The following FHIP1A variants were observed in gnomAD, a reference collection of about 807,000 sequenced individuals.
The protein encoded by FHIP1A is FHF complex subunit HOOK interacting protein 1A.
FHIP1A carries 61 observed loss-of-function variants against 88.6 expected under a neutral mutation model. That is an observed-to-expected ratio of 0.69 (90% CI 0.56 to 0.85). The LOEUF is 0.85. FHIP1A is among the 40% of genes least tolerant of loss of function. FHIP1A has a pLI of 0.00. For missense variants in FHIP1A, 1,154 were observed against 1,273.5 expected (o/e 0.91, Z 1.43); for synonymous variants, 478 against 496.0 (o/e 0.96, Z 0.48).
chr4:151,483,243 G>A (rs907327828), intron 3 of FHIP1A, among the ~76,000 whole-genome samples: 1 of 151,644 alleles, frequency 6.6e-6, no homozygotes, highest in Non-Finnish European at 1.5e-5. Flanking sequence ...ATGTTAATCA[G>A]AAACTTCCTT....
At chr4:151,607,178 G>T (rs1320631042) in intron 7 of FHIP1A, among the ~76,000 whole-genome samples, 1 of 152,174 alleles carries the variant, frequency 6.6e-6, no homozygotes. Context: ...AGGAGTGGTG[G>T]AGCCCAAGCA....
chr4:151,523,101 G>A (rs1435728864), intron 3 of FHIP1A, among the ~76,000 whole-genome samples: 1 of 152,186 alleles, frequency 6.6e-6, no homozygotes, highest in Non-Finnish European at 1.5e-5. Flanking sequence ...AATACATTTG[G>A]TTAGGGGGGC....
At chr4:151,528,240 G>C (rs901097325) in intron 3 of FHIP1A, among the ~76,000 whole-genome samples, 1 of 152,196 alleles carries the variant, frequency 6.6e-6, no homozygotes, top group African/African-American at 2.4e-5. Flanking sequence ...TGGCCTGTTA[G>C]AGTACCCCTG....
At position 151,581,281 on chromosome 4, in the gene FHIP1A, G is replaced by A. The variant is rs902372811; in HGVS notation, c.732+3205G>A. ...AATATATGCTAAGTTCAAGACTGTG[G>A]CTTTTTGGGGGTGAAGGAAGGGAAG... On this transcript the variant is annotated intron_variant, in intron 5 of 13. Transcript: ENST00000435205. Among the ~76,000 whole-genome samples, 6 of 152,304 alleles carry A rather than the reference G, an allele frequency of 3.9e-5. No individual in the cohort carries two copies. The South Asian group carries it at 8.3e-4, about 21-fold the overall frequency.
intron 2 of FHIP1A, among the ~76,000 whole-genome samples, chr4:151,477,038 A>G (rs138918190): frequency 1.3e-5 from 2 of 152,338 alleles, no homozygotes; most frequent in East Asian, 1.9e-4. Context: ...GAAGGTGCCA[A>G]TTCTCTGTGA....
chr4:151,588,383 T>G (rs1436744163), intron 6 of FHIP1A, among the ~76,000 whole-genome samples: 1 of 152,172 alleles, frequency 6.6e-6, no homozygotes, highest in African/African-American at 2.4e-5. Flanking sequence ...GCAAAATAAA[T>G]GTATTTAATT....
At chr4:151,517,016 G>A (rs1203529999) in intron 3 of FHIP1A, among the ~76,000 whole-genome samples, 3 of 152,190 alleles carry the variant, frequency 2.0e-5, no homozygotes, top group East Asian at 1.9e-4. Flanking sequence ...TGTTTATTGC[G>A]GCACTATTCT....
chr4:151,574,889 C>G (rs1733725461), intron 4 of FHIP1A, among the ~76,000 whole-genome samples: 1 of 150,260 alleles, frequency 6.7e-6, no homozygotes, highest in African/African-American at 2.5e-5. Context: ...TTCTCTTATT[C>G]TTGACCATTT....
chr4:151,644,910 C>T (rs903549638), intron 9 of FHIP1A, among the ~76,000 whole-genome samples: 2 of 152,156 alleles, frequency 1.3e-5, no homozygotes, highest in African/African-American at 4.8e-5. Flanking sequence ...CACAGAGGTG[C>T]GAGAATGCTT....
intron 3 of FHIP1A, among the ~76,000 whole-genome samples, chr4:151,542,190 A>G (rs1408241140): frequency 1.3e-5 from 2 of 152,008 alleles, no homozygotes; most frequent in African/African-American, 4.8e-5. Context: ...AGTTTTTTCT[A>G]CAACACAGTG....
intron 3 of FHIP1A, among the ~76,000 whole-genome samples, chr4:151,516,599 T>G (rs960528794): frequency 2.0e-5 from 3 of 151,690 alleles, no homozygotes; most frequent in African/African-American, 7.3e-5. Flanking sequence ...TCAAACAAAT[T>G]TACAAGAAAA....
At chr4:151,507,772 C>T (rs1363359036) in intron 3 of FHIP1A, among the ~76,000 whole-genome samples, 1 of 152,138 alleles carries the variant, frequency 6.6e-6, no homozygotes, top group Non-Finnish European at 1.5e-5. Context: ...CGTTGAGAAC[C>T]ACAGTTCTGT....
chr4:151,486,460 A>T (rs550608498), intron 3 of FHIP1A, among the ~76,000 whole-genome samples: 1 of 152,282 alleles, frequency 6.6e-6, no homozygotes, highest in Admixed American at 6.5e-5. Context: ...AACTCAGTTT[A>T]TGTGCATTTT....
chr4:151,430,553 G>A (rs1733552345), intron 1 of FHIP1A, among the ~76,000 whole-genome samples: 2 of 152,324 alleles, frequency 1.3e-5, no homozygotes, highest in East Asian at 1.9e-4. Context: ...TTTACTGTGT[G>A]TTATACCTTT....
At chr4:151,596,885 C>T (rs753067985) in intron 7 of FHIP1A, among the ~76,000 whole-genome samples, 2 of 152,070 alleles carry the variant, frequency 1.3e-5, no homozygotes, top group African/African-American at 2.4e-5. Context: ...AGGTCATTTA[C>T]ATTCTTTTCT....
At position 151,662,936 on chromosome 4, in the gene FHIP1A, A is replaced by G. The variant is rs1237818855; in HGVS notation, c.*182A>G. The G allele has an allele frequency of 5.4e-6, 3 of 560,060 alleles. No individual in the cohort carries two copies. The highest frequency in any genetic ancestry group is 8.8e-6 in the Non-Finnish European group (3 of 339,912). 34.7% of individuals were successfully genotyped at this position (560,060 alleles called of 1,614,324 possible). On this transcript the variant is annotated 3_prime_UTR_variant, in exon 14 of 14. Transcript: ENST00000435205. ...CTCTCTAGCCGGGCCTTTCCACCTT[A>G]TGTTATATATAGAATGTAAGTCTCA...
chr4:151,592,470 C>T (rs527391429), intron 7 of FHIP1A, among the ~76,000 whole-genome samples: 1 of 152,130 alleles, frequency 6.6e-6, no homozygotes, highest in Non-Finnish European at 1.5e-5. Flanking sequence ...TTCTAACTGG[C>T]GTGACATGGT....
chr4:151,586,627 A>G lies in FHIP1A; in HGVS notation c.733-14A>G, dbSNP rs1240330935. ...TTGGAAAAGCATTTATTTTGTTTTT[A>G]TTTCTGAACACAGGTACTTGCAACT... On this transcript the variant is annotated splice_polypyrimidine_tract_variant and intron_variant, in intron 5 of 13. Transcript: ENST00000435205. 2.6e-6 allele frequency: 4 copies of G among 1,526,320 alleles called. No homozygotes were observed. The African/African-American group carries it at 4.1e-5, about 16-fold the overall frequency. 94.5% of individuals were successfully genotyped at this position (1,526,320 alleles called of 1,614,324 possible).
At position 151,650,579 on chromosome 4, in the gene FHIP1A, C is replaced by T; in HGVS notation, c.2538C>T (p.Ser846=). The change falls in exon 11 of 14, where the codon AGC becomes AGT. Residue 846 remains serine (S), a synonymous_variant. Coordinates refer to ENST00000435205, the MANE Select transcript of FHIP1A (RefSeq NM_001109977.3). ...GTCGCCATCCCGTGAGGACTCAAAG[C>T]ACCCCATTCACAGGTGACCATCTTA... The part of the protein sequence containing the change: ...FASRHPVRTQ[S]TPFTGPFISV... 1.3e-6 allele frequency: 2 copies of T among 1,549,234 alleles called. No individual in the cohort carries two copies. Among genetic ancestry groups the T allele is most frequent in the East Asian group, 2.4e-5 (1 of 40,890 alleles).
Sources: allele counts gnomAD v4.1 joint callset (sites outside exome capture counted in the v4.1 genomes callset), GRCh38; gene constraint gnomAD v4.1.1; transcripts MANE v1.5; gene names NCBI Gene and HGNC (gene_info 2026-07-23, HGNC 2026-07-21).